Variants in EPS15 observed in about 807,000 individuals in gnomAD.
The protein encoded by EPS15 is epidermal growth factor receptor pathway substrate 15.
EPS15 carries 72 observed loss-of-function variants against 113.8 expected under a neutral mutation model. The ratio of observed to expected loss-of-function variants is 0.63; its 90% CI spans 0.52 to 0.77. The LOEUF is 0.77. Among genes scored for constraint, EPS15 ranks in the 30% least tolerant of loss-of-function variants. The pLI is 0.00. For synonymous variants in EPS15, 344 were observed against 363.4 expected (o/e 0.95, Z 0.61); for missense variants, 1,048 against 1,045.8 (o/e 1.00, Z -0.03).
chr1:51,425,365 G>A (rs1478770640), intron 12 of EPS15, among the ~76,000 whole-genome samples: 1 of 152,190 alleles, frequency 6.6e-6, no homozygotes, highest in African/African-American at 2.4e-5. Context: ...ACAGGCAGTA[G>A]GGTGTAAGCC....
At chr1:51,368,272 G>A (rs1488309671) in intron 21 of EPS15, among the ~76,000 whole-genome samples, 1 of 152,176 alleles carries the variant, frequency 6.6e-6, no homozygotes, top group Non-Finnish European at 1.5e-5. Flanking sequence ...AAAAAGAGGA[G>A]CAAAGAAGAT....
At chr1:51,514,374 T>TA (rs1326561246) in intron 1 of EPS15, among the ~76,000 whole-genome samples, 38 of 151,780 alleles carry the variant, frequency 2.5e-4, no homozygotes, top group African/African-American at 9.0e-4. Context: ...GATTTTTTTT[T>TA]TAAAAACTTT....
intron 21 of EPS15, among the ~76,000 whole-genome samples, chr1:51,381,213 A>G (rs1557782790): frequency 6.6e-6 from 1 of 152,246 alleles, no homozygotes. Flanking sequence ...CATTTTCTCA[A>G]GTACATATCT....
intron 21 of EPS15, among the ~76,000 whole-genome samples, chr1:51,366,328 A>G (rs1350535968): frequency 6.6e-6 from 1 of 152,198 alleles, no homozygotes; most frequent in Admixed American, 6.5e-5. Flanking sequence ...TCAGCCTCCC[A>G]GAGTGCTGGA....
At chr1:51,435,457 G>C (rs1203722051) in intron 12 of EPS15, among the ~76,000 whole-genome samples, 2 of 152,160 alleles carry the variant, frequency 1.3e-5, no homozygotes, top group Admixed American at 6.5e-5. Context: ...GCCTCCCAAA[G>C]TGCTGGGATT....
chr1:51,447,239 A>T, intron 9 of EPS15, 134 bp from the exon 10 acceptor site: 4 of 690,192 alleles, frequency 5.8e-6, no homozygotes, highest in Non-Finnish European at 7.0e-6. Context: ...ACAATGTATC[A>T]CTTCCATATG....
Position 51,468,491 on chromosome 1 carries a change from A to T in EPS15, c.291T>A (p.Ala97=). ...LEVSLSSLNL[A]VPPPRFHDTS... is the part of the protein sequence containing the mutation. ...TTCTTACAAATCTTGGTGGAGGAACAGCCAGGTTCAAACTACTTAGTGAAA... is the reference window on the plus strand; with the variant it reads ...TTCTTACAAATCTTGGTGGAGGAACTGCCAGGTTCAAACTACTTAGTGAAA... The change falls in exon 5 of 25, where the codon GCT becomes GCA. Residue 97 remains alanine (A), a synonymous_variant. Transcript: ENST00000371733. 6.2e-7 allele frequency: 1 copy of T among 1,610,102 alleles called. No individual in the cohort carries two copies. Among genetic ancestry groups the T allele is most frequent in the East Asian group, 2.2e-5 (1 of 44,854 alleles).
intron 12 of EPS15, among the ~76,000 whole-genome samples, chr1:51,434,392 CA>C (rs766969808): frequency 3.3e-5 from 5 of 152,080 alleles, no homozygotes; most frequent in Non-Finnish European, 5.9e-5. Context: ...TGACATATGC[CA>C]CAACACAGAA....
At chr1:51,421,934 C>G in intron 12 of EPS15, 76 bp from the exon 13 acceptor site, 1 of 1,587,656 alleles carries the variant, frequency 6.3e-7, no homozygotes. Context: ...TCCTCCTAAT[C>G]CTGAATCGCT....
At chr1:51,392,010 T>C (rs1363762175) in intron 21 of EPS15, among the ~76,000 whole-genome samples, 2 of 152,138 alleles carry the variant, frequency 1.3e-5, no homozygotes, top group East Asian at 1.9e-4. Flanking sequence ...GTATCAGTAG[T>C]ATTTGAAGCC....
chr1:51,423,330 TC>T, intron 12 of EPS15: 1 of 1,230,994 alleles, frequency 8.1e-7, no homozygotes, highest in Non-Finnish European at 1.0e-6. Flanking sequence ...GCAAAGACCA[TC>T]CCCCACCTCC....
At chr1:51,467,969 A>T (rs72892011) in intron 5 of EPS15, among the ~76,000 whole-genome samples, 4,390 of 150,818 alleles carry the variant, frequency 0.029, 152 homozygotes, top group African/African-American at 0.081. Context: ...ATATATATAT[A>T]TTTTTTTAAG....
intron 5 of EPS15, 40 bp from the exon 6 acceptor site, chr1:51,465,366 C>T (rs1469329283): frequency 7.1e-7 from 1 of 1,406,770 alleles, no homozygotes. Flanking sequence ...TTGAAATTCT[C>T]ACATCAAGAA....
At chr1:51,460,905 G>C (rs1050778540) in intron 8 of EPS15, 186 bp downstream of exon 8, 1 of 482,488 alleles carries the variant, frequency 2.1e-6, no homozygotes, top group Non-Finnish European at 3.8e-6. Flanking sequence ...GGTGAGCCAA[G>C]ATTGTGCCAC....
chr1:51,357,391 A>AAAAAAAAAAAAAAATAT (rs1491245303), intron 24 of EPS15, among the ~76,000 whole-genome samples: 2 of 65,720 alleles, frequency 3.0e-5, no homozygotes, highest in African/African-American at 1.4e-4. Context: ...AAAAAAAAAA[A>AAAAAAAAAAAAAAATAT]ATATATATAT....
In EPS15 at chr1:51,357,438, T is replaced by A. The variant is rs1451382184; in HGVS notation, c.2545-592A>T. Among the ~76,000 whole-genome samples the A allele has an allele frequency of 9.2e-4, 96 of 104,600 alleles. 5 individuals carry two copies. The highest frequency in any genetic ancestry group is 3.9e-3 in the African/African-American group (82 of 20,892). The allele number at this position is 104,600 out of a possible 152,430, so 68.6% of individuals were successfully genotyped here. ...TATATATATATATATTTTTTTTTTT[T>A]AAATGTGATATATATATATATATAT... On this transcript the variant is annotated intron_variant, in intron 24 of 24. Coordinates refer to ENST00000371733, the MANE Select transcript of EPS15 (RefSeq NM_001981.3).
chr1:51,367,082 T>C (rs1646523798), intron 21 of EPS15, among the ~76,000 whole-genome samples: 2 of 152,280 alleles, frequency 1.3e-5, no homozygotes, highest in Non-Finnish European at 2.9e-5. Flanking sequence ...GAAAGAGGTA[T>C]GAAAAACCTG....
chr1:51,487,734 T>C (rs970945573), intron 1 of EPS15, among the ~76,000 whole-genome samples: 11 of 152,154 alleles, frequency 7.2e-5, no homozygotes, highest in African/African-American at 1.9e-4. Context: ...CCTAAACACA[T>C]AGGAGAAGAT....
At chr1:51,457,703 G>C (rs1489634193) in intron 8 of EPS15, 2 of 151,912 alleles carry the variant, frequency 1.3e-5, no homozygotes, top group African/African-American at 4.8e-5. Flanking sequence ...TATCACATGA[G>C]ACCAGGAGTG....
Sources: gnomAD v4.1 joint callset for allele counts (sites outside exome capture counted in the v4.1 genomes callset) on GRCh38, gnomAD v4.1.1 for gene constraint, MANE v1.5 for transcripts, NCBI Gene and HGNC (gene_info 2026-07-23, HGNC 2026-07-21) for gene names.